SYNRG: variants seen among roughly 807,000 people sequenced by gnomAD.
SYNRG encodes the protein synergin gamma.
SYNRG carries 37 observed loss-of-function variants against 130.9 expected under a neutral mutation model. The observed-to-expected ratio is 0.28, with a 90% CI of 0.22 to 0.37. The LOEUF (loss-of-function observed/expected upper bound fraction) is 0.37, where lower values mean the gene tolerates loss of function less well. Ranked by LOEUF, SYNRG falls within the 10% of genes least tolerant of loss-of-function variation. SYNRG has a pLI of 1.00. For synonymous variants in SYNRG, 539 were observed against 568.1 expected (o/e 0.95, Z 0.73); for missense variants, 1,338 against 1,588.9 (o/e 0.84, Z 2.68).
At chr17:37,595,177 G>A (rs1231232858) in intron 3 of SYNRG, among the ~76,000 whole-genome samples, 2 of 152,044 alleles carry the variant, frequency 1.3e-5, no homozygotes, top group African/African-American at 4.8e-5. Context: ...AAATGACACT[G>A]GAAGTTTTCC....
In SYNRG at chr17:37,609,372, C is replaced by A; in HGVS notation, c.-17G>T. 7.1e-7 allele frequency: 1 copy of A among 1,413,270 alleles called. No individual in the cohort carries two copies. The highest frequency in any genetic ancestry group is 9.2e-7 in the Non-Finnish European group (1 of 1,088,142). 87.5% of individuals were successfully genotyped at this position (1,413,270 alleles called of 1,614,324 possible). On this transcript the variant is annotated 5_prime_UTR_variant, in exon 1 of 22. Transcript: ENST00000612223. The stretch of plus-strand genomic sequence containing the variant: ...CAGCGCCATCTTGCTCCCGACCTGC[C>A]GCTGCCTTCGCCGCCGCCACCTTAT...
At chr17:37,579,238 C>G in intron 6 of SYNRG, 1 of 1,286,230 alleles carries the variant, frequency 7.8e-7, no homozygotes, top group Non-Finnish European at 1.0e-6. Flanking sequence ...GAGGGAGAGG[C>G]TGTGTCCCAG....
Position 37,540,484 on chromosome 17 carries a change from GAGA to G in SYNRG, c.3259_3261del (p.Ser1087del), listed in dbSNP as rs756098177. ...TCTCTGAAAGGCTGCTCCAAAGCTG[GAGA>G]AGGAGAAGAACGGCTTATTTCTTTA... On this transcript the variant is annotated inframe_deletion, in exon 16 of 22. Transcript: ENST00000612223. The G allele has an allele frequency of 4.3e-6, 7 of 1,614,094 alleles. No homozygotes were observed. The highest frequency in any genetic ancestry group is 1.7e-4 in the Middle Eastern group (1 of 6,060).
At chr17:37,520,325 A>G (rs1462563173) in intron 20 of SYNRG, 111 bp from the exon 21 acceptor site, 1 of 1,404,882 alleles carries the variant, frequency 7.1e-7, no homozygotes, top group Non-Finnish European at 1.0e-6. Flanking sequence ...CACTATGCAC[A>G]GGGTGCTGCA....
intron 11 of SYNRG, among the ~76,000 whole-genome samples, chr17:37,563,847 CT>C (rs770865891): frequency 1.2e-3 from 166 of 143,568 alleles, no homozygotes; most frequent in Admixed American, 1.2e-3. Flanking sequence ...TCCCCGCCAG[CT>C]TTTTTTTTTT....
chr17:37,523,919 T>TTTG (rs561580879), intron 19 of SYNRG, among the ~76,000 whole-genome samples: 244 of 152,344 alleles, frequency 1.6e-3, no homozygotes, highest in African/African-American at 5.7e-3. Flanking sequence ...GACAACATCC[T>TTTG]GTCTTGAGAA....
chr17:37,521,845 G>C lies in SYNRG; in HGVS notation c.3667-1197C>G, dbSNP rs114987157. ...ACCTGCTGGATGGGAGAGGTTGGGG[G>C]ACCCGGGCAGCTGAGAGGATTCACC... On this transcript the variant is annotated intron_variant, in intron 19 of 21. Coordinates refer to ENST00000612223, the MANE Select transcript of SYNRG (RefSeq NM_007247.6). Among the ~76,000 whole-genome samples the C allele has an allele frequency of 6.2e-3, 942 of 152,196 alleles. 13 individuals are homozygous for C. The highest frequency in any genetic ancestry group is 0.022 in the African/African-American group (897 of 41,508).
At chr17:37,558,223 A>G (rs911045749) in intron 13 of SYNRG, among the ~76,000 whole-genome samples, 10 of 152,216 alleles carry the variant, frequency 6.6e-5, no homozygotes, top group African/African-American at 2.4e-4. Context: ...TATTCTTATA[A>G]GAGGTGGGCT....
chr17:37,539,278 A>G (rs999406782), intron 16 of SYNRG, 33 bp from the exon 17 acceptor site: 4 of 1,608,518 alleles, frequency 2.5e-6, no homozygotes, highest in Admixed American at 1.7e-5. Context: ...TGGGTTAAAC[A>G]CACAAACCTG....
chr17:37,527,818 C>G (rs144001435), intron 19 of SYNRG, among the ~76,000 whole-genome samples: 7 of 152,094 alleles, frequency 4.6e-5, no homozygotes, highest in South Asian at 2.1e-4. Context: ...CAATTCCCCC[C>G]CCATGGACAG....
At chr17:37,536,698 CA>C (rs1168345313) in intron 18 of SYNRG, 1 of 152,338 alleles carries the variant, frequency 6.6e-6, no homozygotes, top group East Asian at 1.9e-4. Context: ...GAAGGTCTTA[CA>C]AACACTTTGA....
chr17:37,519,869 G>C (rs990912200), intron 21 of SYNRG, among the ~76,000 whole-genome samples: 3 of 152,164 alleles, frequency 2.0e-5, no homozygotes. Flanking sequence ...GAAGCTCTTT[G>C]ATCTCCATCT....
intron 15 of SYNRG, 173 bp downstream of exon 15, chr17:37,541,799 G>T: frequency 1.5e-6 from 1 of 674,070 alleles, no homozygotes; most frequent in East Asian, 2.7e-5. Flanking sequence ...TGCTGATTTT[G>T]ACTCCCGTCT....
chr17:37,533,362 C>T (rs1047108607), intron 19 of SYNRG, among the ~76,000 whole-genome samples: 12 of 151,528 alleles, frequency 7.9e-5, no homozygotes, highest in African/African-American at 2.4e-4. Flanking sequence ...GATCACACCA[C>T]TTCCCTCCAG....
intron 19 of SYNRG, among the ~76,000 whole-genome samples, chr17:37,520,981 C>T (rs933898134): frequency 2.0e-5 from 3 of 151,580 alleles, no homozygotes; most frequent in Admixed American, 6.6e-5. Context: ...TAGCCCAACT[C>T]GAGGAGGATG....
At chr17:37,523,516 C>T (rs2055410108) in intron 19 of SYNRG, among the ~76,000 whole-genome samples, 2 of 152,164 alleles carry the variant, frequency 1.3e-5, no homozygotes, top group Non-Finnish European at 1.5e-5. Context: ...AATTCCTGAA[C>T]ATTTAACAAT....
intron 21 of SYNRG, 92 bp from the exon 22 acceptor site, chr17:37,519,163 G>A (rs2054671503): frequency 6.5e-7 from 1 of 1,533,764 alleles, no homozygotes; most frequent in Non-Finnish European, 8.8e-7. Flanking sequence ...ATCTCTCCAG[G>A]TCACAGAGGC....
chr17:37,522,328 A>G (rs1313834471), intron 19 of SYNRG, among the ~76,000 whole-genome samples: 3 of 151,660 alleles, frequency 2.0e-5, no homozygotes, highest in Non-Finnish European at 4.4e-5. Flanking sequence ...ACGCCCAGCT[A>G]ATTTTTTGAT....
chr17:37,606,058 T>C, intron 1 of SYNRG: 1 of 955,096 alleles, frequency 1.0e-6, no homozygotes. Flanking sequence ...AAGTTAAAAC[T>C]ATGAAATGAT....
Sources: gnomAD v4.1 joint callset for allele counts (sites outside exome capture counted in the v4.1 genomes callset) on GRCh38, gnomAD v4.1.1 for gene constraint, MANE v1.5 for transcripts, NCBI Gene and HGNC (gene_info 2026-07-23, HGNC 2026-07-21) for gene names.